The following GALNT17 variants were observed in gnomAD, a reference collection of about 807,000 sequenced individuals.
GALNT17 encodes polypeptide N-acetylgalactosaminyltransferase 17, also known as UDP-GalNAc:polypeptide N-acetylgalactosaminyltransferase-like 3.
A neutral mutation model predicts 63.7 loss-of-function variants in GALNT17; 29 were observed. The observed-to-expected ratio is 0.46, with a 90% confidence interval of 0.34 to 0.62. The LOEUF (loss-of-function observed/expected upper bound fraction) is 0.62. Ranked by LOEUF, GALNT17 falls within the 20% of genes least tolerant of loss-of-function variation. GALNT17 has a pLI of 0.01. For synonymous variants in GALNT17, 305 were observed against 318.3 expected, an observed-to-expected ratio of 0.96 and a Z score of 0.45; for missense variants, 603 against 799.6, an observed-to-expected ratio of 0.75 and a Z score of 2.97.
At chr7:71,447,209 C>G (rs925466774) in intron 5 of GALNT17, among the ~76,000 whole-genome samples, 20 of 152,170 alleles carry the variant, frequency 1.3e-4, no homozygotes, top group African/African-American at 4.8e-4. Context: ...TCATAAATAT[C>G]AGGTCTCCAG....
intron 6 of GALNT17, among the ~76,000 whole-genome samples, chr7:71,619,845 A>G (rs1790266759): frequency 6.6e-6 from 1 of 151,856 alleles, no homozygotes; most frequent in African/African-American, 2.4e-5. Flanking sequence ...GAGTGGAGAG[A>G]GTGGGTATCC....
intron 1 of GALNT17, among the ~76,000 whole-genome samples, chr7:71,198,585 G>T (rs924884722): frequency 6.6e-6 from 1 of 152,204 alleles, no homozygotes; most frequent in African/African-American, 2.4e-5. Context: ...ACTAGCTGAC[G>T]CTAGTTGGAC....
chr7:71,360,679 T>C (rs1026175665), intron 2 of GALNT17, among the ~76,000 whole-genome samples: 13 of 152,160 alleles, frequency 8.5e-5, no homozygotes, highest in African/African-American at 3.1e-4. Flanking sequence ...ATGCCTGTAA[T>C]CCCAGTACTT....
At chr7:71,575,312 A>C (rs1789517700) in intron 6 of GALNT17, among the ~76,000 whole-genome samples, 1 of 152,164 alleles carries the variant, frequency 6.6e-6, no homozygotes, top group Admixed American at 6.5e-5. Context: ...TACATATACA[A>C]GCTTACCTGT....
chr7:71,588,103 T>C (rs1271194981), intron 6 of GALNT17, among the ~76,000 whole-genome samples: 1 of 152,240 alleles, frequency 6.6e-6, no homozygotes, highest in African/African-American at 2.4e-5. Flanking sequence ...TGCCATTGTT[T>C]CTAAGCCTTT....
At chr7:71,656,481 G>A (rs746448858) in intron 6 of GALNT17, among the ~76,000 whole-genome samples, 2 of 152,070 alleles carry the variant, frequency 1.3e-5, no homozygotes, top group Non-Finnish European at 2.9e-5. Context: ...AAGACCACAC[G>A]AAGATTGAGG....
At chr7:71,683,456 G>A (rs1791300708) in intron 9 of GALNT17, among the ~76,000 whole-genome samples, 1 of 152,158 alleles carries the variant, frequency 6.6e-6, no homozygotes, top group African/African-American at 2.4e-5. Context: ...AGAAGGAATT[G>A]GTGCTCCACG....
chr7:71,236,349 A>G (rs1789891122), intron 1 of GALNT17, among the ~76,000 whole-genome samples: 1 of 152,032 alleles, frequency 6.6e-6, no homozygotes, highest in Admixed American at 6.5e-5. Context: ...CCAAACTGAA[A>G]CTTGCTGCAC....
chr7:71,515,062 C>T (rs1198263975), intron 5 of GALNT17, among the ~76,000 whole-genome samples: 2 of 152,224 alleles, frequency 1.3e-5, no homozygotes, highest in Non-Finnish European at 2.9e-5. Context: ...TCCTCCTTCA[C>T]CTTTTGCTGT....
intron 1 of GALNT17, among the ~76,000 whole-genome samples, chr7:71,203,013 T>TAC (rs976072179): frequency 7.2e-5 from 11 of 152,098 alleles, no homozygotes; most frequent in African/African-American, 2.4e-4. Context: ...CACACATACA[T>TAC]ACACACACAC....
Position 71,311,915 on chromosome 7 carries a change from G to A in GALNT17, c.239-23635G>A, listed in dbSNP as rs138867657. Among the ~76,000 whole-genome samples the A allele has an allele frequency of 1.5e-3, 230 of 152,256 alleles. 1 individual carries two copies. Among genetic ancestry groups the A allele is most frequent in the African/African-American group, 5.4e-3 (224 of 41,552 alleles). ...CCATCTGCTTCTGAGGTAGGAGGTA[G>A]AACTTGACTCTGGACCGGATTGAAG... On this transcript the variant is annotated intron_variant, in intron 1 of 10. Transcript: ENST00000333538.
intron 2 of GALNT17, among the ~76,000 whole-genome samples, chr7:71,345,807 T>C (rs1792080513): frequency 6.6e-6 from 1 of 152,138 alleles, no homozygotes; most frequent in African/African-American, 2.4e-5. Flanking sequence ...TGGAGCTTTT[T>C]TTATATGAAT....
chr7:71,623,920 C>A (rs1437821183), intron 6 of GALNT17, among the ~76,000 whole-genome samples: 3 of 152,126 alleles, frequency 2.0e-5, no homozygotes, highest in Non-Finnish European at 4.4e-5. Flanking sequence ...CTTAAAGACC[C>A]AAAACATGGA....
At chr7:71,285,874 A>C (rs962791785) in intron 1 of GALNT17, among the ~76,000 whole-genome samples, 9 of 152,238 alleles carry the variant, frequency 5.9e-5, no homozygotes, top group African/African-American at 2.2e-4. Context: ...GATTAAGACA[A>C]ATATTCTTTG....
intron 2 of GALNT17, among the ~76,000 whole-genome samples, chr7:71,375,930 T>C (rs1448305849): frequency 1.3e-5 from 2 of 152,170 alleles, no homozygotes. Flanking sequence ...CTTCAAAAAT[T>C]AGCCGGTGCG....
intron 1 of GALNT17, among the ~76,000 whole-genome samples, chr7:71,192,982 T>C (rs1259760176): frequency 1.3e-5 from 2 of 151,368 alleles, no homozygotes; most frequent in African/African-American, 4.8e-5. Context: ...TAGCCTCTCT[T>C]TACACAGGCT....
intron 1 of GALNT17, among the ~76,000 whole-genome samples, chr7:71,190,852 A>G (rs1788938602): frequency 6.6e-6 from 1 of 151,944 alleles, no homozygotes. Flanking sequence ...GCTGGTCTCA[A>G]ACTCCTGGGC....
chr7:71,504,527 T>C (rs1477902388), intron 5 of GALNT17, among the ~76,000 whole-genome samples: 1 of 152,288 alleles, frequency 6.6e-6, no homozygotes, highest in African/African-American at 2.4e-5. Flanking sequence ...TATTTACATA[T>C]TTTACATAGT....
chr7:71,151,684 A>G (rs765176927), intron 1 of GALNT17, among the ~76,000 whole-genome samples: 11 of 151,954 alleles, frequency 7.2e-5, no homozygotes, highest in Admixed American at 2.0e-4. Flanking sequence ...CTAGTACTCT[A>G]TTTACAGGAT....
Sources: gnomAD v4.1 joint callset for allele counts (sites outside exome capture counted in the v4.1 genomes callset) on GRCh38, gnomAD v4.1.1 for gene constraint, MANE v1.5 for transcripts, NCBI Gene and HGNC (gene_info 2026-07-23, HGNC 2026-07-21) for gene names.